Variants in SLC22A23 observed in about 807,000 individuals in gnomAD.
SLC22A23 encodes ion transporter protein.
Under a neutral mutation model 61.0 loss-of-function variants are expected in SLC22A23, and 26 were observed. The ratio of observed to expected loss-of-function variants is 0.43; its 90% CI spans 0.31 to 0.59. SLC22A23 has a LOEUF of 0.59. SLC22A23 is among the 20% of genes least tolerant of loss of function. SLC22A23 has a pLI of 0.11. For missense variants in SLC22A23, 796 were observed against 934.7 expected (o/e 0.85, Z 1.94); for synonymous variants, 430 against 413.9 (o/e 1.04, Z -0.47).
intron 3 of SLC22A23, among the ~76,000 whole-genome samples, chr6:3,394,005 A>G (rs904112221): frequency 1.3e-5 from 2 of 152,196 alleles, no homozygotes. Context: ...AAAATGCCAA[A>G]AAGGAGAGCT....
chr6:3,366,479 C>T (rs561895688), intron 3 of SLC22A23, among the ~76,000 whole-genome samples: 3 of 151,816 alleles, frequency 2.0e-5, no homozygotes, highest in African/African-American at 4.8e-5. Flanking sequence ...TTATTTAACT[C>T]GCTGTGTTGT....
chr6:3,358,673 G>A (rs1176187422), intron 3 of SLC22A23, among the ~76,000 whole-genome samples: 4 of 152,108 alleles, frequency 2.6e-5, no homozygotes, highest in South Asian at 2.1e-4. Flanking sequence ...TATAGTTCAC[G>A]ATACTGTGCT....
intron 3 of SLC22A23, among the ~76,000 whole-genome samples, chr6:3,366,357 A>AG (rs869080038): frequency 1.8e-4 from 14 of 76,484 alleles, no homozygotes; most frequent in African/African-American, 5.1e-4. Context: ...AAAAAAAAAA[A>AG]GAAAGAAAGA....
At position 3,342,741 on chromosome 6, in the gene SLC22A23, A is replaced by T. The variant is rs534954649; in HGVS notation, c.914-18739T>A. 2.0e-5 allele frequency among the ~76,000 whole-genome samples: 3 copies of T among 152,324 alleles called. No individual in the cohort carries two copies. Among genetic ancestry groups the T allele is most frequent in the Admixed American group, 2.0e-4 (3 of 15,308 alleles). On this transcript the variant is annotated intron_variant, in intron 3 of 9. Coordinates refer to ENST00000406686, the MANE Select transcript of SLC22A23 (RefSeq NM_015482.2). This position sits in a 1 kb window ranked among gnomAD's most constrained non-coding sequence, Gnocchi z 4.0. The stretch of plus-strand genomic sequence containing the variant: ...ACCTTCACATTAGTGCTGGGGATGA[A>T]AACCTTTTCCTCCACCCTCCTAGGG...
At chr6:3,310,316 CCCTG>C (rs1561888233) in intron 4 of SLC22A23, among the ~76,000 whole-genome samples, 1 of 143,348 alleles carries the variant, frequency 7.0e-6, no homozygotes, top group African/African-American at 2.7e-5. Context: ...CACTCAAGCA[CCCTG>C]CCTCCCACTC....
intron 3 of SLC22A23, among the ~76,000 whole-genome samples, chr6:3,385,523 A>C (rs1173393470): frequency 2.0e-5 from 2 of 100,778 alleles, no homozygotes; most frequent in Admixed American, 8.8e-5. Flanking sequence ...CTCAAAAAAC[A>C]AAAAAAAAGG....
In SLC22A23 at chr6:3,284,991, G is replaced by A. The variant is rs558809065; in HGVS notation, c.1579+88C>T. 3.0e-5 allele frequency: 47 copies of A among 1,562,902 alleles called. No individual in the cohort carries two copies. The South Asian group carries it at 5.2e-4, about 17-fold the overall frequency. On this transcript the variant is annotated intron_variant, in intron 8 of 9. Coordinates refer to ENST00000406686, the MANE Select transcript of SLC22A23 (RefSeq NM_015482.2). ...GGGCAACGGGGAGAAAGAGAAAATG[G>A]AAACCACAGGTCCGTGAGTCTTCGA...
chr6:3,393,720 T>G (rs984724208), intron 3 of SLC22A23, among the ~76,000 whole-genome samples: 2 of 152,264 alleles, frequency 1.3e-5, no homozygotes, highest in African/African-American at 4.8e-5. Context: ...GTTTACAAAC[T>G]GTTTATAATA....
chr6:3,275,506 TA>T (rs1479664513), intron 9 of SLC22A23, among the ~76,000 whole-genome samples: 1 of 152,172 alleles, frequency 6.6e-6, no homozygotes, highest in Non-Finnish European at 1.5e-5. Context: ...CTTCAAAAGA[TA>T]CATGTTTAAG....
chr6:3,374,528 G>T (rs1023296290), intron 3 of SLC22A23, among the ~76,000 whole-genome samples: 1 of 152,250 alleles, frequency 6.6e-6, no homozygotes, highest in African/African-American at 2.4e-5. Flanking sequence ...AGGAAGGTTG[G>T]CTGGAATAAA....
rs184807319 is a variant in SLC22A23, at chr6:3,309,890, G to A, written c.1083-11672C>T. ...CCTGGCCATGCTAATACCCTGCCTG[G>A]GGCTTCATGAATGGCAGAGGCAGGC... is the stretch of plus-strand genomic sequence containing the variant. On this transcript the variant is annotated intron_variant, in intron 4 of 9. Transcript: ENST00000406686. This position sits in a 1 kb window ranked among gnomAD's most constrained non-coding sequence, Gnocchi z 4.7. 6.6e-6 allele frequency among the ~76,000 whole-genome samples: 1 copy of A among 152,178 alleles called. No homozygotes were observed. Among genetic ancestry groups the A allele is most frequent in the Admixed American group, 6.5e-5 (1 of 15,282 alleles).
chr6:3,390,973 C>CAT lies in SLC22A23; in HGVS notation c.913+19213_913+19214dup, dbSNP rs1767624213. Among the ~76,000 whole-genome samples the CAT allele has an allele frequency of 6.6e-6, 1 of 152,198 alleles. No homozygotes were observed. Among genetic ancestry groups the CAT allele is most frequent in the Non-Finnish European group, 1.5e-5 (1 of 68,044 alleles). ...ACTGCCTGAATGGAATGAAGAGAAT[C>CAT]ATACCCTGACTCATTAGAGTGATGA... On this transcript the variant is annotated intron_variant, in intron 3 of 9. Coordinates refer to ENST00000406686, the MANE Select transcript of SLC22A23 (RefSeq NM_015482.2). The surrounding 1 kb of genome is among the most constrained non-coding windows in gnomAD (Gnocchi z 4.0).
At chr6:3,334,462 A>G (rs1763742425) in intron 3 of SLC22A23, among the ~76,000 whole-genome samples, 1 of 151,606 alleles carries the variant, frequency 6.6e-6, no homozygotes, top group African/African-American at 2.4e-5. Context: ...CGCCCAGCGT[A>G]GATGTTGGCT....
At chr6:3,292,498 A>G (rs747326061) in intron 5 of SLC22A23, among the ~76,000 whole-genome samples, 1 of 152,124 alleles carries the variant, frequency 6.6e-6, no homozygotes. Flanking sequence ...TCCTCGAGAC[A>G]GAGGAGGAGG....
chr6:3,444,575 T>C (rs1445943116), intron 1 of SLC22A23, among the ~76,000 whole-genome samples: 2 of 152,182 alleles, frequency 1.3e-5, no homozygotes, highest in African/African-American at 4.8e-5. Flanking sequence ...ATTTCTGGCC[T>C]GAGAACTCCA....
Position 3,342,099 on chromosome 6 carries a change from C to T in SLC22A23, c.914-18097G>A, listed in dbSNP as rs1228843879. Among the ~76,000 whole-genome samples the T allele has an allele frequency of 6.6e-6, 1 of 152,104 alleles. No individual in the cohort carries two copies. Among genetic ancestry groups the T allele is most frequent in the Non-Finnish European group, 1.5e-5 (1 of 68,016 alleles). ...ATGAAAGCTGCTAGTTTAGGTTCAG[C>T]AGCTCCTAAACTAGCATTTTGTTCC... is the stretch of plus-strand genomic sequence containing the variant. On this transcript the variant is annotated intron_variant, in intron 3 of 9. Coordinates refer to ENST00000406686, the MANE Select transcript of SLC22A23 (RefSeq NM_015482.2). This position sits in a 1 kb window ranked among gnomAD's most constrained non-coding sequence, Gnocchi z 4.0.
chr6:3,269,206 A>G lies in SLC22A23; in HGVS notation c.*3849T>C, dbSNP rs543339354. On this transcript the variant is annotated 3_prime_UTR_variant, in exon 10 of 10. Coordinates refer to ENST00000406686, the MANE Select transcript of SLC22A23 (RefSeq NM_015482.2). ...GTCTCTCAGGTGGTCTGAGAGTGGC[A>G]CTTGGTAAACAGTGTGTGTTTAATC... The G allele has an allele frequency of 6.6e-6, 1 of 152,408 alleles. No homozygotes were observed. The highest frequency in any genetic ancestry group is 2.4e-5 in the African/African-American group (1 of 41,562). 9.4% of individuals were successfully genotyped at this position (152,408 alleles called of 1,614,324 possible).
intron 1 of SLC22A23, among the ~76,000 whole-genome samples, chr6:3,443,613 G>A (rs938771555): frequency 2.0e-5 from 3 of 152,166 alleles, no homozygotes; most frequent in African/African-American, 7.2e-5. Flanking sequence ...TTAATTGCCA[G>A]AAACATCTGC....
intron 1 of SLC22A23, among the ~76,000 whole-genome samples, chr6:3,429,369 G>C (rs1227763161): frequency 6.6e-6 from 1 of 152,162 alleles, no homozygotes; most frequent in Non-Finnish European, 1.5e-5. Context: ...ATCTGCAAAA[G>C]GTCAACCACA....
Sources: allele counts gnomAD v4.1 joint callset (sites outside exome capture counted in the v4.1 genomes callset), GRCh38; gene constraint gnomAD v4.1.1; non-coding constraint Gnocchi (gnomAD v3.1); transcripts MANE v1.5; gene names NCBI Gene and HGNC (gene_info 2026-07-23, HGNC 2026-07-21).